The following CCDC30 variants were observed in gnomAD, a reference collection of about 807,000 sequenced individuals.
CCDC30 encodes the protein coiled-coil domain-containing protein 30.
CCDC30 carries 70 observed loss-of-function variants against 100.2 expected under a neutral mutation model. The observed-to-expected ratio is 0.70, with a 90% CI of 0.58 to 0.85. The LOEUF is 0.85. Ranked by LOEUF, CCDC30 falls within the 40% of genes least tolerant of loss-of-function variation. The pLI, the probability that CCDC30 is intolerant of heterozygous loss-of-function variation, is 0.00. For synonymous variants in CCDC30, 233 were observed against 269.5 expected (o/e 0.86, Z 1.33); for missense variants, 652 against 771.2 (o/e 0.85, Z 1.83).
At chr1:42,615,657 G>T (rs753273505) in intron 11 of CCDC30, among the ~76,000 whole-genome samples, 1 of 152,088 alleles carries the variant, frequency 6.6e-6, no homozygotes, top group Non-Finnish European at 1.5e-5. Flanking sequence ...CCTGTCTGTA[G>T]GAACAATGGG....
intron 4 of CCDC30, chr1:42,492,033 G>T: frequency 1.9e-6 from 1 of 520,156 alleles, no homozygotes; most frequent in South Asian, 2.3e-5. Context: ...CTAACTTCCA[G>T]GGCATGGATT....
At chr1:42,467,719 G>C (rs751074574) in intron 1 of CCDC30, 1 of 152,162 alleles carries the variant, frequency 6.6e-6, no homozygotes, top group Non-Finnish European at 1.5e-5. Flanking sequence ...GCCCTCAGAG[G>C]CCATATTTGT....
At chr1:42,636,502 C>A (rs539324041) in intron 11 of CCDC30, among the ~76,000 whole-genome samples, 37 of 152,246 alleles carry the variant, frequency 2.4e-4, no homozygotes, top group African/African-American at 8.7e-4. Context: ...GAGTATATCA[C>A]TGTCCAAGAT....
intron 7 of CCDC30, among the ~76,000 whole-genome samples, chr1:42,570,608 T>A (rs1456310549): frequency 6.6e-6 from 1 of 152,124 alleles, no homozygotes; most frequent in Non-Finnish European, 1.5e-5. Flanking sequence ...TAACTGCTAA[T>A]TTTGGTAATA....
At chr1:42,559,961 C>A (rs548759682) in intron 6 of CCDC30, among the ~76,000 whole-genome samples, 1 of 152,270 alleles carries the variant, frequency 6.6e-6, no homozygotes, top group South Asian at 2.1e-4. Flanking sequence ...ACAGTGCAAT[C>A]AAATTAGAAC....
intron 6 of CCDC30, among the ~76,000 whole-genome samples, chr1:42,534,166 A>C (rs1644854219): frequency 6.6e-6 from 1 of 152,234 alleles, no homozygotes; most frequent in Non-Finnish European, 1.5e-5. Context: ...ATCTTTTAAA[A>C]ATTATAGCAT....
intron 12 of CCDC30, among the ~76,000 whole-genome samples, chr1:42,640,816 C>T (rs1300972096): frequency 2.0e-5 from 3 of 152,028 alleles, no homozygotes; most frequent in African/African-American, 7.3e-5. Context: ...ATTGCTTGAA[C>T]CCAGCGGGCA....
intron 3 of CCDC30, among the ~76,000 whole-genome samples, chr1:42,488,169 T>A (rs1644081678): frequency 6.6e-6 from 1 of 152,042 alleles, no homozygotes; most frequent in African/African-American, 2.4e-5. Flanking sequence ...TTTAAATCGA[T>A]GCTAACCAGA....
At chr1:42,543,569 C>A (rs1475183590) in intron 6 of CCDC30, among the ~76,000 whole-genome samples, 1 of 152,186 alleles carries the variant, frequency 6.6e-6, no homozygotes, top group African/African-American at 2.4e-5. Flanking sequence ...CTTATTTCTG[C>A]AGCTCCTTAC....
At chr1:42,641,923 GA>G (rs1206022718) in intron 12 of CCDC30, among the ~76,000 whole-genome samples, 3 of 150,940 alleles carry the variant, frequency 2.0e-5, no homozygotes, top group African/African-American at 2.4e-5. Context: ...TGAAAAAGAA[GA>G]AAAAAAAATA....
intron 6 of CCDC30, chr1:42,521,123 G>A (rs1186924487): frequency 1.0e-4 from 15 of 144,480 alleles, no homozygotes; most frequent in Admixed American, 4.9e-4. Context: ...ACAGGCGCCC[G>A]CCACCACGAC....
At chr1:42,533,604 T>TTA (rs1046473790) in intron 6 of CCDC30, among the ~76,000 whole-genome samples, 1 of 152,202 alleles carries the variant, frequency 6.6e-6, no homozygotes, top group Non-Finnish European at 1.5e-5. Context: ...AGGGGACTTA[T>TTA]TATAACTCAT....
At chr1:42,553,188 T>A (rs948794597) in intron 6 of CCDC30, among the ~76,000 whole-genome samples, 44 of 152,176 alleles carry the variant, frequency 2.9e-4, no homozygotes, top group African/African-American at 1.1e-3. Context: ...TGTTTGGACT[T>A]TTTTGTTTTT....
intron 9 of CCDC30, 73 bp from the exon 14 acceptor site, chr1:42,589,248 T>C (rs1646136152): frequency 7.9e-7 from 1 of 1,265,780 alleles, no homozygotes; most frequent in Non-Finnish European, 1.1e-6. Flanking sequence ...TCCCTTGTGA[T>C]GCCATAAAAA....
intron 11 of CCDC30, among the ~76,000 whole-genome samples, chr1:42,611,573 C>T (rs750049396): frequency 1.4e-5 from 2 of 147,852 alleles, no homozygotes; most frequent in South Asian, 2.1e-4. Context: ...TACATACATA[C>T]ATATATGTAT....
intron 11 of CCDC30, among the ~76,000 whole-genome samples, chr1:42,615,923 G>GTT (rs750841890): frequency 1.3e-5 from 2 of 149,322 alleles, no homozygotes; most frequent in East Asian, 1.9e-4. Flanking sequence ...TTGTTTTTTT[G>GTT]GTTTTTTTTT....
chr1:42,456,385 TCGC>T, the CCDC30 span: 1 of 722,538 alleles, frequency 1.4e-6, no homozygotes, highest in Non-Finnish European at 2.2e-6. Flanking sequence ...AGTGTCACTT[TCGC>T]TGGGCTCTGG....
At chr1:42,482,500 T>C (rs1462677268) in intron 2 of CCDC30, among the ~76,000 whole-genome samples, 163 bp from the exon 3 acceptor site, 2 of 151,210 alleles carry the variant, frequency 1.3e-5, no homozygotes, top group Non-Finnish European at 3.0e-5. Flanking sequence ...AGAAAGGAAA[T>C]ACACAGACAC....
intron 6 of CCDC30, among the ~76,000 whole-genome samples, chr1:42,556,630 C>T (rs1170644401): frequency 6.6e-6 from 1 of 152,102 alleles, no homozygotes; most frequent in Admixed American, 6.5e-5. Flanking sequence ...AAGCATTTAT[C>T]CTTTGTATTA....
Sources: gnomAD v4.1 joint callset for allele counts (sites outside exome capture counted in the v4.1 genomes callset) on GRCh38, gnomAD v4.1.1 for gene constraint, MANE v1.5 for transcripts, NCBI Gene and HGNC (gene_info 2026-07-23, HGNC 2026-07-21) for gene names.